The following AGAP1 variants were observed in gnomAD, a reference collection of about 807,000 sequenced individuals.
AGAP1 encodes the protein ArfGAP with GTPase domain, ankyrin repeat and PH domain 1.
Under a neutral mutation model 105.3 loss-of-function variants are expected in AGAP1, and 29 were observed. The ratio of observed to expected loss-of-function variants is 0.28; its 90% CI spans 0.21 to 0.38. AGAP1 has a LOEUF of 0.38. Among genes scored for constraint, AGAP1 ranks in the 10% least tolerant of loss-of-function variants. The pLI, the probability that AGAP1 is intolerant of heterozygous loss-of-function variation, is 1.00. For synonymous variants in AGAP1, 509 were observed against 485.9 expected, an observed-to-expected ratio of 1.05 and a Z score of -0.63; for missense variants, 998 against 1,165.1, an observed-to-expected ratio of 0.86 and a Z score of 2.09.
intron 11 of AGAP1, among the ~76,000 whole-genome samples, chr2:235,920,737 T>C (rs1411992446): frequency 1.3e-5 from 2 of 152,130 alleles, no homozygotes; most frequent in South Asian, 2.1e-4. Flanking sequence ...ATAAGGAAAA[T>C]ATTCAGACAT....
At chr2:235,580,647 A>G (rs1944900675) in intron 1 of AGAP1, among the ~76,000 whole-genome samples, 1 of 152,052 alleles carries the variant, frequency 6.6e-6, no homozygotes, top group South Asian at 2.1e-4. Context: ...GTTTATTGAG[A>G]ATGGTTTTGT....
chr2:236,071,949 A>T (rs2058507085), intron 16 of AGAP1, among the ~76,000 whole-genome samples: 1 of 152,120 alleles, frequency 6.6e-6, no homozygotes, highest in Non-Finnish European at 1.5e-5. Flanking sequence ...CGTTGTGGTA[A>T]ACTTAAAATT....
rs146064088 is a variant in AGAP1, at chr2:235,623,308, C to T, written c.164-85871C>T. On this transcript the variant is annotated intron_variant, in intron 1 of 17. Coordinates refer to ENST00000304032, the MANE Select transcript of AGAP1 (RefSeq NM_001037131.3). This position sits in a 1 kb window ranked among gnomAD's most constrained non-coding sequence, Gnocchi z 4.5. ...GTTGGGCATGTCAAATGAATCTGGG[C>T]GTTAGCCTACAAATCAAGATTTGCT... 4.1e-3 allele frequency among the ~76,000 whole-genome samples: 630 copies of T among 152,258 alleles called. 2 individuals carry two copies. The highest frequency in any genetic ancestry group is 5.0e-3 in the Non-Finnish European group (340 of 68,024).
intron 9 of AGAP1, among the ~76,000 whole-genome samples, chr2:235,876,773 T>C (rs1479827296): frequency 6.6e-6 from 1 of 152,136 alleles, no homozygotes; most frequent in Non-Finnish European, 1.5e-5. Context: ...TTCTCCTCTC[T>C]TGCCCCCAGG....
In AGAP1 at chr2:235,993,713, C is replaced by T. The variant is rs549351247; in HGVS notation, c.1645+25090C>T. On this transcript the variant is annotated intron_variant, in intron 13 of 17. Transcript: ENST00000304032. This position sits in a 1 kb window ranked among gnomAD's most constrained non-coding sequence, Gnocchi z 5.0. ...CTGAGGAACGCTTCCTTTGAAAATACCCTAGTTTAACTTAAACTCTTTCTT... is the reference window on the plus strand; with the variant it reads ...CTGAGGAACGCTTCCTTTGAAAATATCCTAGTTTAACTTAAACTCTTTCTT... Among the ~76,000 whole-genome samples the T allele has an allele frequency of 1.3e-5, 2 of 152,170 alleles. No homozygotes were observed. The highest frequency in any genetic ancestry group is 2.9e-5 in the Non-Finnish European group (2 of 68,024).
Position 235,592,131 on chromosome 2 carries a change from A to G in AGAP1, c.163+97282A>G, listed in dbSNP as rs542902719. ...CCCAGGGGCCCAGGCTTGCCTGGAC[A>G]GCGCCCTGTGGCCAGGAAGACCTGG... On this transcript the variant is annotated intron_variant, in intron 1 of 17. Transcript: ENST00000304032. Among the ~76,000 whole-genome samples the G allele has an allele frequency of 6.3e-4, 96 of 152,374 alleles. No individual in the cohort carries two copies. In the Middle Eastern group the frequency reaches 0.01, roughly 16 times the overall value.
rs1946239335 is a variant in AGAP1, at chr2:235,614,372, G to T, written c.164-94807G>T. Among the ~76,000 whole-genome samples the T allele has an allele frequency of 6.6e-6, 1 of 152,142 alleles. No homozygotes were observed. The highest frequency in any genetic ancestry group is 2.4e-5 in the African/African-American group (1 of 41,430). ...TAGGGAGCCGCTGCTCTTGCTTCAGGTCTCAGATGGCATAGGAGTGTGTGT... is the reference window on the plus strand; with the variant it reads ...TAGGGAGCCGCTGCTCTTGCTTCAGTTCTCAGATGGCATAGGAGTGTGTGT... On this transcript the variant is annotated intron_variant, in intron 1 of 17. Transcript: ENST00000304032. The surrounding 1 kb of genome is among the most constrained non-coding windows in gnomAD (Gnocchi z 4.7).
chr2:236,117,433 C>T (rs935351497), intron 16 of AGAP1, among the ~76,000 whole-genome samples: 3 of 152,110 alleles, frequency 2.0e-5, no homozygotes, highest in Admixed American at 6.6e-5. Context: ...CAGCAGTTCC[C>T]GGGGAGAACA....
At chr2:235,912,428 C>T (rs529767073) in intron 11 of AGAP1, among the ~76,000 whole-genome samples, 9 of 152,258 alleles carry the variant, frequency 5.9e-5, no homozygotes, top group African/African-American at 2.2e-4. Flanking sequence ...GAATACTTAA[C>T]CTTATTCTTC....
intron 1 of AGAP1, among the ~76,000 whole-genome samples, chr2:235,648,619 A>C (rs1947470488): frequency 6.6e-6 from 1 of 151,260 alleles, no homozygotes; most frequent in Admixed American, 6.6e-5. Context: ...CATGCCTGTC[A>C]TCCCAGCACT....
At chr2:235,643,250 G>T (rs1284672520) in intron 1 of AGAP1, among the ~76,000 whole-genome samples, 1 of 151,824 alleles carries the variant, frequency 6.6e-6, no homozygotes, top group Non-Finnish European at 1.5e-5. Flanking sequence ...GGCCAACATG[G>T]TGAAACTCTG....
chr2:236,125,983 C>G lies in AGAP1; in HGVS notation c.*1861C>G, dbSNP rs1240448074. ...CAGCCTCCGGGGTGTTCCTCGCTCT[C>G]TCGTATGTTAAACCTTATATTTTAT... On this transcript the variant is annotated 3_prime_UTR_variant, in exon 18 of 18. Coordinates refer to ENST00000304032, the MANE Select transcript of AGAP1 (RefSeq NM_001037131.3). The surrounding 1 kb of genome is among the most constrained non-coding windows in gnomAD (Gnocchi z 5.2). The G allele has an allele frequency of 6.6e-6, 1 of 152,032 alleles. No individual in the cohort carries two copies. Among genetic ancestry groups the G allele is most frequent in the African/African-American group, 2.4e-5 (1 of 41,348 alleles). 9.4% of individuals were successfully genotyped at this position (152,032 alleles called of 1,614,324 possible).
intron 8 of AGAP1, among the ~76,000 whole-genome samples, chr2:235,803,923 T>C (rs1019924993): frequency 6.6e-6 from 1 of 152,204 alleles, no homozygotes; most frequent in Non-Finnish European, 1.5e-5. Context: ...TTTGGTAATA[T>C]GGGTTCTTAG....
At chr2:235,671,451 C>T (rs561684756) in intron 1 of AGAP1, among the ~76,000 whole-genome samples, 31 of 152,274 alleles carry the variant, frequency 2.0e-4, no homozygotes, top group African/African-American at 4.6e-4. Flanking sequence ...CGCACAGGTG[C>T]GGCTGCCTGG....
intron 1 of AGAP1, among the ~76,000 whole-genome samples, chr2:235,511,106 CTGGCACG>C (rs1942087550): frequency 6.6e-6 from 1 of 152,162 alleles, no homozygotes; most frequent in African/African-American, 2.4e-5. Flanking sequence ...ATGGTTGTTA[CTGGCACG>C]TGGCAGGTGG....
Position 235,957,212 on chromosome 2 carries a change from A to C in AGAP1, c.1484-11250A>C, listed in dbSNP as rs1003348902. Among the ~76,000 whole-genome samples, 1 of 152,182 alleles carries C rather than the reference A, an allele frequency of 6.6e-6. No homozygotes were observed. Among genetic ancestry groups the C allele is most frequent in the Admixed American group, 6.5e-5 (1 of 15,282 alleles). On this transcript the variant is annotated intron_variant, in intron 12 of 17. Coordinates refer to ENST00000304032, the MANE Select transcript of AGAP1 (RefSeq NM_001037131.3). This position sits in a 1 kb window ranked among gnomAD's most constrained non-coding sequence, Gnocchi z 4.6. Reference sequence around the variant, plus strand: ...GCTTTATAAACATATTTCAGTAATCAAGGTCCTCATCTCAATGGAAGATCA... The same window carrying C: ...GCTTTATAAACATATTTCAGTAATCCAGGTCCTCATCTCAATGGAAGATCA...
At chr2:235,932,176 G>A (rs2052756833) in intron 12 of AGAP1, among the ~76,000 whole-genome samples, 1 of 152,212 alleles carries the variant, frequency 6.6e-6, no homozygotes, top group Admixed American at 6.5e-5. Flanking sequence ...CTGGTAGTCA[G>A]CCTTTCATCA....
rs1956740688 is a variant in AGAP1 at position 235,787,807 on chromosome 2, C to G, written c.674-9952C>G. Among the ~76,000 whole-genome samples the G allele has an allele frequency of 6.6e-6, 1 of 152,110 alleles. No homozygotes were observed. The highest frequency in any genetic ancestry group is 1.5e-5 in the Non-Finnish European group (1 of 68,040). On this transcript the variant is annotated intron_variant, in intron 6 of 17. Coordinates refer to ENST00000304032, the MANE Select transcript of AGAP1 (RefSeq NM_001037131.3). The surrounding 1 kb of genome is among the most constrained non-coding windows in gnomAD (Gnocchi z 4.4). ...TAATTCTGCATTGACCAAGAGCAAG[C>G]TGAAGAGCATTCTGGGATCAAGAAG...
chr2:235,536,448 G>C (rs1418665190), intron 1 of AGAP1, among the ~76,000 whole-genome samples: 12 of 81,070 alleles, frequency 1.5e-4, no homozygotes, highest in Non-Finnish European at 2.4e-4. Flanking sequence ...GCAGGACCCT[G>C]GGGTTTGTTT....
Sources: allele counts gnomAD v4.1 joint callset (sites outside exome capture counted in the v4.1 genomes callset), GRCh38; gene constraint gnomAD v4.1.1; non-coding constraint Gnocchi (gnomAD v3.1); transcripts MANE v1.5; gene names NCBI Gene and HGNC (gene_info 2026-07-23, HGNC 2026-07-21).